Variants in IGF1 observed in about 807,000 individuals in gnomAD.
The protein encoded by IGF1 is insulin-like growth factor 1.
In IGF1, 4 loss-of-function variants were observed where a neutral mutation model predicts 13.8. The observed-to-expected ratio is 0.29, with a 90% confidence interval of 0.14 to 0.66. IGF1 has a LOEUF of 0.66. Ranked by LOEUF, IGF1 falls within the 30% of genes least tolerant of loss-of-function variation. The probability of loss-of-function intolerance (pLI) is 0.78; values close to 1 mark genes in which losing one functional copy is unlikely to be tolerated. For synonymous variants in IGF1, 76 were observed against 72.6 expected (o/e 1.05, Z -0.23); for missense variants, 124 against 188.5 (o/e 0.66, Z 2.00).
intron 3 of IGF1, among the ~76,000 whole-genome samples, chr12:102,414,204 C>T (rs768806865): frequency 6.6e-6 from 1 of 152,098 alleles, no homozygotes; most frequent in South Asian, 2.1e-4. Context: ...GCACACACTA[C>T]ACTCACACAC....
chr12:102,471,089 G>A (rs1194548347), intron 2 of IGF1, among the ~76,000 whole-genome samples: 5 of 152,138 alleles, frequency 3.3e-5, no homozygotes, highest in African/African-American at 1.2e-4. Flanking sequence ...TCCCCGAGGG[G>A]TTGAAATCCA....
At chr12:102,467,761 C>T (rs1055715561) in intron 2 of IGF1, among the ~76,000 whole-genome samples, 2 of 152,164 alleles carry the variant, frequency 1.3e-5, no homozygotes, top group African/African-American at 4.8e-5. Flanking sequence ...TACCAGGTAA[C>T]TTTGACACAG....
chr12:102,419,423 A>G, intron 3 of IGF1, 86 bp downstream of exon 3: 3 of 1,323,324 alleles, frequency 2.3e-6, no homozygotes, highest in African/African-American at 1.4e-5. Flanking sequence ...CCAGGAGACT[A>G]TGGGGCAGGA....
In IGF1 at chr12:102,401,888, A is replaced by C. The variant is rs1025972039; in HGVS notation, c.*619T>G. 9 of 152,654 alleles carry C rather than the reference A, an allele frequency of 5.9e-5. No homozygotes were observed. Among genetic ancestry groups the C allele is most frequent in the African/African-American group, 1.9e-4 (8 of 41,452 alleles). 9.5% of individuals were successfully genotyped at this position (152,654 alleles called of 1,614,324 possible). On this transcript the variant is annotated 3_prime_UTR_variant, in exon 4 of 4. Transcript: ENST00000337514. ...AAGCTTTGTGTCTAAAATAAAATGCATCCAACTTATATTTGGTACAAATGC... is the reference window on the plus strand; with the variant it reads ...AAGCTTTGTGTCTAAAATAAAATGCCTCCAACTTATATTTGGTACAAATGC...
chr12:102,419,067 CT>C (rs761369381), intron 3 of IGF1, among the ~76,000 whole-genome samples: 12 of 152,316 alleles, frequency 7.9e-5, no homozygotes, highest in African/African-American at 2.6e-4. Context: ...CCAACAATTA[CT>C]TTATGCAGGC....
At chr12:102,418,393 G>A (rs893504929) in intron 3 of IGF1, among the ~76,000 whole-genome samples, 8 of 152,220 alleles carry the variant, frequency 5.3e-5, no homozygotes, top group African/African-American at 1.9e-4. Flanking sequence ...GGGGCTCCCT[G>A]GGGTCACATC....
At chr12:102,473,701 C>A (rs901086569) in intron 2 of IGF1, among the ~76,000 whole-genome samples, 2 of 152,152 alleles carry the variant, frequency 1.3e-5, no homozygotes, top group African/African-American at 4.8e-5. Context: ...TATTGAGATA[C>A]AATTTTTAAA....
intron 2 of IGF1, among the ~76,000 whole-genome samples, chr12:102,468,849 C>T (rs555489862): frequency 2.0e-5 from 3 of 152,276 alleles, no homozygotes; most frequent in Admixed American, 1.3e-4. Flanking sequence ...TGAGACATCT[C>T]CTTGGGAGAG....
intron 2 of IGF1, among the ~76,000 whole-genome samples, chr12:102,448,333 C>G (rs868153819): frequency 6.7e-6 from 1 of 149,680 alleles, no homozygotes; most frequent in Non-Finnish European, 1.5e-5. Context: ...ATGTGGCACA[C>G]ATACACCATG....
intron 2 of IGF1, among the ~76,000 whole-genome samples, chr12:102,470,819 G>A (rs1469225776): frequency 6.6e-6 from 1 of 152,170 alleles, no homozygotes; most frequent in African/African-American, 2.4e-5. Context: ...AAGGTAATAG[G>A]CTGGGAAGAG....
chr12:102,421,956 AAAC>A (rs1162358882), intron 2 of IGF1, among the ~76,000 whole-genome samples: 1 of 152,190 alleles, frequency 6.6e-6, no homozygotes, highest in Non-Finnish European at 1.5e-5. Context: ...TGGTGACTGT[AAAC>A]AACCATGAAA....
chr12:102,458,767 A>C (rs895583267), intron 2 of IGF1, among the ~76,000 whole-genome samples: 7 of 151,924 alleles, frequency 4.6e-5, no homozygotes, highest in Admixed American at 4.6e-4. Flanking sequence ...AAGTGCTGTA[A>C]GAGTAATATT....
chr12:102,441,399 G>A (rs1232489864), intron 2 of IGF1, among the ~76,000 whole-genome samples: 1 of 152,176 alleles, frequency 6.6e-6, no homozygotes, highest in African/African-American at 2.4e-5. Context: ...CTTACTGCCT[G>A]CTGCTCCTGC....
At chr12:102,454,663 A>G (rs975634451) in intron 2 of IGF1, among the ~76,000 whole-genome samples, 10 of 152,202 alleles carry the variant, frequency 6.6e-5, no homozygotes, top group African/African-American at 2.4e-4. Context: ...AATTTTGAAA[A>G]TTGTTCATAG....
At chr12:102,444,486 G>A (rs1339811024) in intron 2 of IGF1, among the ~76,000 whole-genome samples, 1 of 151,992 alleles carries the variant, frequency 6.6e-6, no homozygotes, top group Admixed American at 6.6e-5. Flanking sequence ...CCCTCCATGA[G>A]CAGTCAGTCA....
intron 3 of IGF1, chr12:102,417,875 CTCTTTCT>C (rs755543651): frequency 1.9e-6 from 3 of 1,613,886 alleles, no homozygotes; most frequent in African/African-American, 2.7e-5. Flanking sequence ...CCCTCCTCTG[CTCTTTCT>C]TCTTTCCTCT....
chr12:102,448,809 A>G (rs1468315153), intron 2 of IGF1, among the ~76,000 whole-genome samples: 1 of 152,060 alleles, frequency 6.6e-6, no homozygotes, highest in Non-Finnish European at 1.5e-5. Context: ...GCTCATCATC[A>G]CTGGTCATTA....
In IGF1 at chr12:102,400,443, T is replaced by C. The variant is rs540577274; in HGVS notation, c.*2064A>G. The C allele has an allele frequency of 6.6e-6, 1 of 152,284 alleles. No individual in the cohort carries two copies. The highest frequency in any genetic ancestry group is 6.5e-5 in the Admixed American group (1 of 15,284). The allele number at this position is 152,284 out of a possible 1,614,324, so 9.4% of individuals were successfully genotyped here. On this transcript the variant is annotated 3_prime_UTR_variant, in exon 4 of 4. Transcript: ENST00000337514. ...TTTTCAGTTGAATGGATAAAACACA[T>C]TCACAGAGAGCTAGGGGCTACCCTT...
intron 2 of IGF1, among the ~76,000 whole-genome samples, chr12:102,468,521 C>G (rs531451578): frequency 6.6e-6 from 1 of 152,354 alleles, no homozygotes; most frequent in Non-Finnish European, 1.5e-5. Context: ...ATTAAATAGG[C>G]ATACAACTTA....
Sources: gnomAD v4.1 joint callset for allele counts (sites outside exome capture counted in the v4.1 genomes callset) on GRCh38, gnomAD v4.1.1 for gene constraint, MANE v1.5 for transcripts, NCBI Gene and HGNC (gene_info 2026-07-23, HGNC 2026-07-21) for gene names.